The following GPC5 variants were observed in gnomAD, a reference collection of about 807,000 sequenced individuals.
GPC5 encodes glypican-5.
GPC5 carries 47 observed loss-of-function variants against 53.9 expected under a neutral mutation model. The observed-to-expected ratio is 0.87, with a 90% confidence interval of 0.69 to 1.11. The LOEUF (loss-of-function observed/expected upper bound fraction) is 1.11, where lower values mean the gene tolerates loss of function less well. GPC5 is among the 50% of genes most tolerant of loss of function. The probability of loss-of-function intolerance (pLI) is 0.00; values close to 1 mark genes in which losing one functional copy is unlikely to be tolerated. For missense variants in GPC5, 748 were observed against 713.1 expected (o/e 1.05, Z -0.56); for synonymous variants, 286 against 263.3 (o/e 1.09, Z -0.84).
intron 6 of GPC5, among the ~76,000 whole-genome samples, chr13:92,012,856 C>T (rs538298840): frequency 1.3e-5 from 2 of 152,206 alleles, no homozygotes; most frequent in Admixed American, 6.5e-5. Flanking sequence ...ATTTACTCAA[C>T]CTGCTGTGCT....
intron 7 of GPC5, among the ~76,000 whole-genome samples, chr13:92,286,815 C>T (rs1033863587): frequency 2.0e-5 from 3 of 151,980 alleles, no homozygotes; most frequent in Non-Finnish European, 2.9e-5. Context: ...AGCACACCAA[C>T]ATGGCACATG....
chr13:91,694,585 C>A (rs777073680), intron 3 of GPC5, among the ~76,000 whole-genome samples: 11 of 152,244 alleles, frequency 7.2e-5, no homozygotes, highest in South Asian at 2.1e-4. Context: ...TACATAGAAC[C>A]ATTTTTCTAA....
At chr13:91,575,073 G>C (rs117136316) in intron 2 of GPC5, among the ~76,000 whole-genome samples, 3,538 of 152,240 alleles carry the variant, frequency 0.023, 57 homozygotes, top group Non-Finnish European at 0.037. Context: ...GAAGAGTAGT[G>C]ACTGCATGTA....
At chr13:92,685,328 T>A (rs1321526461) in intron 7 of GPC5, among the ~76,000 whole-genome samples, 1 of 151,876 alleles carries the variant, frequency 6.6e-6, no homozygotes, top group Non-Finnish European at 1.5e-5. Context: ...CTCCTGACCT[T>A]GGGTGATCCA....
intron 7 of GPC5, among the ~76,000 whole-genome samples, chr13:92,286,737 G>A (rs2042957638): frequency 6.7e-6 from 1 of 148,976 alleles, no homozygotes; most frequent in South Asian, 2.2e-4. Context: ...GCCTGTTGTG[G>A]GGTTGGGGGA....
chr13:92,669,847 C>T (rs908622989), intron 7 of GPC5, among the ~76,000 whole-genome samples: 1 of 152,158 alleles, frequency 6.6e-6, no homozygotes, highest in South Asian at 2.1e-4. Context: ...ACCCCATGTC[C>T]CTTCATAGTC....
chr13:91,485,215 T>C (rs1883532535), intron 2 of GPC5, among the ~76,000 whole-genome samples: 1 of 27,240 alleles, frequency 3.7e-5, no homozygotes, highest in South Asian at 7.5e-4. Context: ...CTTGGTCCCT[T>C]TTTTTTTTTT....
chr13:92,225,761 T>A (rs2042481208), intron 7 of GPC5, among the ~76,000 whole-genome samples: 1 of 151,954 alleles, frequency 6.6e-6, no homozygotes, highest in African/African-American at 2.4e-5. Context: ...AAAAAAAAAA[T>A]GCCCTTTATA....
At chr13:91,667,499 T>C (rs1303488078) in intron 2 of GPC5, among the ~76,000 whole-genome samples, 1 of 152,048 alleles carries the variant, frequency 6.6e-6, no homozygotes, top group Non-Finnish European at 1.5e-5. Flanking sequence ...TACTGGTGAG[T>C]TCGAGCTGCA....
At chr13:92,431,970 G>A (rs1302528977) in intron 7 of GPC5, among the ~76,000 whole-genome samples, 2 of 152,180 alleles carry the variant, frequency 1.3e-5, no homozygotes, top group African/African-American at 4.8e-5. Context: ...CATACTTGGT[G>A]CAATGGACTG....
chr13:91,750,709 TC>T (rs1403155885), intron 4 of GPC5, among the ~76,000 whole-genome samples: 1 of 146,854 alleles, frequency 6.8e-6, no homozygotes, highest in African/African-American at 2.6e-5. Flanking sequence ...AGATGGAGTT[TC>T]GCTCTTGCTG....
chr13:91,488,923 G>A (rs551136159), intron 2 of GPC5, among the ~76,000 whole-genome samples: 2 of 152,286 alleles, frequency 1.3e-5, no homozygotes, highest in African/African-American at 2.4e-5. Flanking sequence ...GGGAGGCCTC[G>A]AAAATGGCCG....
chr13:92,761,188 C>T (rs912908861), intron 7 of GPC5, among the ~76,000 whole-genome samples: 5 of 152,148 alleles, frequency 3.3e-5, no homozygotes, highest in Non-Finnish European at 2.9e-5. Context: ...GGCAGATTCT[C>T]ACTGTGTTGC....
At chr13:91,436,422 T>G (rs1457446252) in intron 1 of GPC5, among the ~76,000 whole-genome samples, 3 of 152,312 alleles carry the variant, frequency 2.0e-5, no homozygotes, top group Admixed American at 2.0e-4. Flanking sequence ...ACATCTTTAT[T>G]TCTGCCTTCA....
intron 7 of GPC5, among the ~76,000 whole-genome samples, chr13:92,327,992 A>G (rs1230479807): frequency 6.6e-6 from 1 of 152,110 alleles, no homozygotes; most frequent in Non-Finnish European, 1.5e-5. Flanking sequence ...GCCAGGCCTG[A>G]TCCTCTTTGA....
chr13:92,153,671 C>T (rs925797846), intron 7 of GPC5, among the ~76,000 whole-genome samples: 1 of 152,154 alleles, frequency 6.6e-6, no homozygotes, highest in Non-Finnish European at 1.5e-5. Context: ...ATGTACAGCT[C>T]TACTAGGTAT....
intron 5 of GPC5, among the ~76,000 whole-genome samples, chr13:91,880,789 T>G (rs946755048): frequency 6.6e-6 from 1 of 151,766 alleles, no homozygotes; most frequent in Non-Finnish European, 1.5e-5. Context: ...TTGTTTGGGG[T>G]TTTTTGTTTG....
intron 2 of GPC5, among the ~76,000 whole-genome samples, chr13:91,573,171 G>C (rs1445319705): frequency 1.3e-5 from 2 of 152,194 alleles, no homozygotes; most frequent in Non-Finnish European, 2.9e-5. Context: ...AGCACAACTT[G>C]GTTCCTCGTT....
chr13:92,321,349 T>C (rs922651018), intron 7 of GPC5, among the ~76,000 whole-genome samples: 2 of 152,216 alleles, frequency 1.3e-5, no homozygotes, highest in Admixed American at 1.3e-4. Flanking sequence ...ATCCCAACAC[T>C]TGGGGAAGCC....
Sources: gnomAD v4.1 joint callset for allele counts (sites outside exome capture counted in the v4.1 genomes callset) on GRCh38, gnomAD v4.1.1 for gene constraint, MANE v1.5 for transcripts, NCBI Gene and HGNC (gene_info 2026-07-23, HGNC 2026-07-21) for gene names.